The following NMBR variants were observed in gnomAD, a reference collection of about 807,000 sequenced individuals.
NMBR encodes the protein neuromedin-B receptor.
NMBR carries 16 observed loss-of-function variants against 20.5 expected under a neutral mutation model. The observed-to-expected ratio is 0.78, with a 90% confidence interval of 0.53 to 1.19. The LOEUF is 1.19. NMBR is among the 50% of genes most tolerant of loss of function. The probability of loss-of-function intolerance (pLI) is 0.00; values close to 1 mark genes in which losing one functional copy is unlikely to be tolerated. For synonymous variants in NMBR, 212 were observed against 196.6 expected (o/e 1.08, Z -0.65); for missense variants, 582 against 499.1 (o/e 1.17, Z -1.58).
At chr6:142,138,124 A>G (rs1044975813) in intron 1 of NMBR, among the ~76,000 whole-genome samples, 8 of 152,238 alleles carry the variant, frequency 5.3e-5, no homozygotes, top group African/African-American at 1.4e-4. Context: ...GATTTAGTGT[A>G]TTTCTTTTTA....
intron 1 of NMBR, among the ~76,000 whole-genome samples, chr6:142,091,070 TTAA>T (rs1294000724): frequency 6.6e-6 from 1 of 152,164 alleles, no homozygotes; most frequent in Non-Finnish European, 1.5e-5. Flanking sequence ...AATGAATATT[TTAA>T]TAATTTTTTT....
rs756820937 is a variant in NMBR, at chr6:142,075,821, G to C, written c.1000C>G (p.His334Asp). The change falls in exon 4 of 4, where the codon CAT becomes GAT. Residue 334 changes from histidine to aspartate, a missense_variant. His to Asp is a moderately conservative substitution (Grantham distance 81). Coordinates refer to ENST00000258042, the MANE Select transcript of NMBR (RefSeq NM_002511.4). ...LYLLSESFRRHFNSQLCCGRK... is the reference protein window; with the variant it reads ...LYLLSESFRRDFNSQLCCGRK... The stretch of plus-strand genomic sequence containing the variant: ...CCACAGCAGAGTTGGCTGTTGAAAT[G>C]CCTCCTGAAGCTTTCACTGAGTAGG... The C allele has an allele frequency of 6.2e-7, 1 of 1,614,056 alleles. No homozygotes were observed. The highest frequency in any genetic ancestry group is 8.5e-7 in the Non-Finnish European group (1 of 1,179,964).
intron 1 of NMBR, among the ~76,000 whole-genome samples, chr6:142,128,668 A>C (rs1778083887): frequency 6.6e-6 from 1 of 152,042 alleles, no homozygotes. Context: ...GGTATATCAC[A>C]TTTACTGATT....
intron 1 of NMBR, among the ~76,000 whole-genome samples, chr6:142,127,590 C>A (rs1340162694): frequency 6.6e-6 from 1 of 151,840 alleles, no homozygotes; most frequent in South Asian, 2.1e-4. Flanking sequence ...AGTGTGGACA[C>A]TTTAATAATA....
intron 2 of NMBR, among the ~76,000 whole-genome samples, chr6:142,086,772 G>A (rs186834931): frequency 9.4e-4 from 143 of 152,158 alleles, no homozygotes; most frequent in African/African-American, 3.2e-3. Context: ...GTCATGTGTC[G>A]CCATGACAAT....
At chr6:142,085,243 G>A (rs1348313118) in intron 2 of NMBR, among the ~76,000 whole-genome samples, 1 of 152,194 alleles carries the variant, frequency 6.6e-6, no homozygotes, top group Admixed American at 6.5e-5. Flanking sequence ...ACAGACACCA[G>A]CTAGGAGCAG....
intron 1 of NMBR, among the ~76,000 whole-genome samples, chr6:142,103,070 T>A (rs1397287676): frequency 6.6e-6 from 1 of 152,078 alleles, no homozygotes; most frequent in African/African-American, 2.4e-5. Context: ...AGGGGGCCTA[T>A]GTGAGTTGTG....
At chr6:142,082,151 A>T (rs1222546037) in intron 2 of NMBR, among the ~76,000 whole-genome samples, 1 of 152,156 alleles carries the variant, frequency 6.6e-6, no homozygotes, top group Admixed American at 6.6e-5. Flanking sequence ...ACTACCCAAA[A>T]TTTCTTTCTT....
intron 2 of NMBR, among the ~76,000 whole-genome samples, chr6:142,080,231 T>A (rs570714028): frequency 2.4e-4 from 37 of 152,086 alleles, no homozygotes; most frequent in African/African-American, 8.4e-4. Context: ...TTGTTTCCTA[T>A]AAGTTTTTTA....
chr6:142,125,454 C>CATATACATGTGCATGCATATACAT (rs1182134018), intron 1 of NMBR, among the ~76,000 whole-genome samples: 1 of 151,968 alleles, frequency 6.6e-6, no homozygotes, highest in Non-Finnish European at 1.5e-5. Flanking sequence ...TGCATATACA[C>CATATACATGTGCATGCATATACAT]ATATACATGT....
intron 1 of NMBR, among the ~76,000 whole-genome samples, chr6:142,118,755 C>CT (rs1390646156): frequency 6.6e-6 from 1 of 152,008 alleles, no homozygotes; most frequent in African/African-American, 2.4e-5. Flanking sequence ...AGTTGTACAA[C>CT]TTTTTATCTC....
intron 1 of NMBR, among the ~76,000 whole-genome samples, chr6:142,119,583 A>C (rs907940545): frequency 3.3e-5 from 5 of 151,940 alleles, no homozygotes; most frequent in Non-Finnish European, 5.9e-5. Flanking sequence ...CAATATAATA[A>C]TATTTTATGT....
At chr6:142,105,648 G>T (rs893455789) in intron 1 of NMBR, among the ~76,000 whole-genome samples, 1 of 151,826 alleles carries the variant, frequency 6.6e-6, no homozygotes, top group Non-Finnish European at 1.5e-5. Context: ...GCACATTTTT[G>T]TTTATACTTT....
At chr6:142,085,090 A>G (rs1351689921) in intron 2 of NMBR, among the ~76,000 whole-genome samples, 3 of 152,180 alleles carry the variant, frequency 2.0e-5, no homozygotes, top group Non-Finnish European at 4.4e-5. Context: ...ACCACTTCAT[A>G]CCATGCACTG....
intron 1 of NMBR, among the ~76,000 whole-genome samples, chr6:142,132,338 T>C (rs1363542820): frequency 6.6e-6 from 1 of 152,164 alleles, no homozygotes; most frequent in Non-Finnish European, 1.5e-5. Context: ...TCTGTCTTGG[T>C]GCCTGCTGGT....
chr6:142,087,656 T>TATTA (rs1777224398), intron 2 of NMBR, among the ~76,000 whole-genome samples: 1 of 152,198 alleles, frequency 6.6e-6, no homozygotes, highest in Non-Finnish European at 1.5e-5. Flanking sequence ...TAGCTTCAGG[T>TATTA]ATTAAACAAG....
At chr6:142,141,670 A>G (rs1310939445) in intron 1 of NMBR, among the ~76,000 whole-genome samples, 4 of 151,980 alleles carry the variant, frequency 2.6e-5, no homozygotes, top group South Asian at 2.1e-4. Context: ...ACACCCAGCT[A>G]ATTTTTTGTA....
intron 2 of NMBR, 151 bp from the exon 3 acceptor site, chr6:142,079,054 GAGAA>G (rs1391349585): frequency 2.1e-5 from 9 of 423,108 alleles, no homozygotes; most frequent in Middle Eastern, 6.2e-4. Flanking sequence ...GAAAGAAAGA[GAGAA>G]AGAGAGAGAG....
rs1777237823 is a variant in NMBR at position 142,088,258 on chromosome 6, A to C, written c.401T>G (p.Leu134Arg). 1 of 1,612,612 alleles carries C rather than the reference A, an allele frequency of 6.2e-7. No individual in the cohort carries two copies. Among genetic ancestry groups the C allele is most frequent in the Admixed American group, 1.7e-5 (1 of 59,996 alleles). The change falls in exon 2 of 4, where the codon CTC (leucine) becomes CGC (arginine). Residue 134 changes from leucine to arginine, a missense_variant. Coordinates refer to ENST00000258042, the MANE Select transcript of NMBR (RefSeq NM_002511.4). ...LTSVGVSVFTLTALSADRYRA... is the reference protein window; with the variant it reads ...LTSVGVSVFTRTALSADRYRA... ...TTACCTGTCGGCGCTGAGGGCAGTGAGAGTGAACACGGAAACCCCCACGGA... is the reference window on the plus strand; with the variant it reads ...TTACCTGTCGGCGCTGAGGGCAGTGCGAGTGAACACGGAAACCCCCACGGA...
Sources: allele counts gnomAD v4.1 joint callset (sites outside exome capture counted in the v4.1 genomes callset), GRCh38; gene constraint gnomAD v4.1.1; transcripts MANE v1.5; gene names NCBI Gene and HGNC (gene_info 2026-07-23, HGNC 2026-07-21).